The following EPHB3 variants were observed in gnomAD, a reference collection of about 807,000 sequenced individuals.
EPHB3 encodes EPH receptor B3.
Under a neutral mutation model 100.2 loss-of-function variants are expected in EPHB3, and 33 were observed. That is an observed-to-expected ratio of 0.33 (90% CI 0.25 to 0.44). The LOEUF is 0.44. Among genes scored for constraint, EPHB3 ranks in the 20% least tolerant of loss-of-function variants. The probability of loss-of-function intolerance (pLI) is 1.00; values close to 1 mark genes in which losing one functional copy is unlikely to be tolerated. For synonymous variants in EPHB3, 526 were observed against 554.7 expected, an observed-to-expected ratio of 0.95 and a Z score of 0.73; for missense variants, 1,045 against 1,378.3, an observed-to-expected ratio of 0.76 and a Z score of 3.83.
At chr3:184,567,245 G>A (rs1221348511) in intron 1 of EPHB3, among the ~76,000 whole-genome samples, 1 of 152,148 alleles carries the variant, frequency 6.6e-6, no homozygotes, top group African/African-American at 2.4e-5. Flanking sequence ...TGACCTGACT[G>A]ACAGCTCCTG....
rs1015341471 is a variant in EPHB3, at chr3:184,578,647, C to T, written c.1801+181C>T. Among the ~76,000 whole-genome samples the T allele has an allele frequency of 2.6e-5, 4 of 152,188 alleles. No homozygotes were observed. Among genetic ancestry groups the T allele is most frequent in the African/African-American group, 9.7e-5 (4 of 41,440 alleles). The stretch of plus-strand genomic sequence containing the variant: ...TCCGGGTACCCTGGGCCCCTACTCA[C>T]TCCTGCTAGCCCCAGAAATGACTGA... On this transcript the variant is annotated intron_variant, in intron 9 of 15. Transcript: ENST00000330394. The surrounding 1 kb of genome is among the most constrained non-coding windows in gnomAD (Gnocchi z 4.7).
Position 184,566,707 on chromosome 3 carries a change from G to A in EPHB3, c.118+4354G>A, listed in dbSNP as rs1174508124. On this transcript the variant is annotated intron_variant, in intron 1 of 15. Transcript: ENST00000330394. ...GCTGCTCCTCCTTGCGCAGACCCTG[G>A]CCCCCTGCCCTCCTGCCCCGCTGCA... Among the ~76,000 whole-genome samples the A allele has an allele frequency of 2.0e-5, 3 of 152,332 alleles. No homozygotes were observed. The East Asian group carries it at 5.8e-4, about 29-fold the overall frequency.
In EPHB3 at chr3:184,580,975, A is replaced by G. The variant is rs1714804928; in HGVS notation, c.2542A>G (p.Ile848Val). 6.2e-7 allele frequency: 1 copy of G among 1,610,932 alleles called. No individual in the cohort carries two copies. The highest frequency in any genetic ancestry group is 1.1e-5 in the South Asian group (1 of 90,998). ...PYWDMSNQDV[I>V]NAVEQDYRLP... ...GGTTTCCCTGCCTTCGGCCCAGGTC[A>G]TCAATGCCGTGGAGCAGGATTACCG... is the stretch of plus-strand genomic sequence containing the variant. The change falls in exon 14 of 16, where the codon ATC becomes GTC. Residue 848 changes from isoleucine to valine, a missense_variant. Around this residue, in one of 2 missense-constraint regions of EPHB3, gnomAD observed 985 missense variants for 1,331.1 expected, o/e 0.74. Transcript: ENST00000330394.
rs1285710303 is a variant in EPHB3 at position 184,578,780 on chromosome 3, G to T, written c.1801+314G>T. Among the ~76,000 whole-genome samples the T allele has an allele frequency of 6.6e-6, 1 of 152,210 alleles. No homozygotes were observed. The highest frequency in any genetic ancestry group is 1.5e-5 in the Non-Finnish European group (1 of 68,042). On this transcript the variant is annotated intron_variant, in intron 9 of 15. Transcript: ENST00000330394. The surrounding 1 kb of genome is among the most constrained non-coding windows in gnomAD (Gnocchi z 4.7). ...AAGGGTTGAGCTGGGTGCTCCTGTTGTAAAGGGCACTAAGAGTTTAGAGAA... is the reference window on the plus strand; with the variant it reads ...AAGGGTTGAGCTGGGTGCTCCTGTTTTAAAGGGCACTAAGAGTTTAGAGAA...
intron 4 of EPHB3, among the ~76,000 whole-genome samples, chr3:184,576,253 C>G (rs1314136190): frequency 6.7e-6 from 1 of 149,852 alleles, no homozygotes; most frequent in Non-Finnish European, 1.5e-5. Flanking sequence ...CCTAGCCATG[C>G]TCAGGAACTG....
At position 184,562,470 on chromosome 3, in the gene EPHB3, C is replaced by A. The variant is rs1714281585; in HGVS notation, c.118+117C>A. On this transcript the variant is annotated intron_variant, in intron 1 of 15. Coordinates refer to ENST00000330394, the MANE Select transcript of EPHB3 (RefSeq NM_004443.4). The surrounding 1 kb of genome is among the most constrained non-coding windows in gnomAD (Gnocchi z 4.8). ...ACGTCGGAGGAGGCCCCGCCACCGG[C>A]GCCCGCTCCGGGGCCCAGGGATGGG... 1 of 1,118,566 alleles carries A rather than the reference C, an allele frequency of 8.9e-7. No individual in the cohort carries two copies. Among genetic ancestry groups the A allele is most frequent in the Non-Finnish European group, 1.1e-6 (1 of 913,650 alleles). The allele number at this position is 1,118,566 out of a possible 1,614,324, so 69.3% of individuals were successfully genotyped here.
chr3:184,575,198 G>A, intron 3 of EPHB3: 2 of 985,410 alleles, frequency 2.0e-6, no homozygotes, highest in Non-Finnish European at 2.4e-6. Flanking sequence ...GCTTGCTCTG[G>A]GGTGAGTCCC....
In EPHB3 at chr3:184,573,320, G is replaced by C. The variant is rs1577526556; in HGVS notation, c.856+144G>C. ...GTGGAGGCAGGAGAGGGAAGAGTGG[G>C]GATCAGATGCAGAGAATGTTGTGTA... On this transcript the variant is annotated intron_variant, in intron 3 of 15. Coordinates refer to ENST00000330394, the MANE Select transcript of EPHB3 (RefSeq NM_004443.4). The surrounding 1 kb of genome is among the most constrained non-coding windows in gnomAD (Gnocchi z 4.5). 2 of 993,232 alleles carry C rather than the reference G, an allele frequency of 2.0e-6. No homozygotes were observed. The highest frequency in any genetic ancestry group is 2.9e-6 in the Non-Finnish European group (2 of 679,694). 61.5% of individuals were successfully genotyped at this position (993,232 alleles called of 1,614,324 possible).
At chr3:184,580,668 G>A (rs780081342) in intron 12 of EPHB3, 51 bp downstream of exon 12, 3 of 1,609,098 alleles carry the variant, frequency 1.9e-6, no homozygotes, top group Non-Finnish European at 2.5e-6. Context: ...ATCAGCCAGG[G>A]GCTCGGGCCT....
chr3:184,576,026 C>T (rs1198073399), intron 4 of EPHB3, 41 bp downstream of exon 4: 1 of 1,560,620 alleles, frequency 6.4e-7, no homozygotes, highest in Non-Finnish European at 8.7e-7. Flanking sequence ...TGCAGGCCTT[C>T]CCTCTGGGGG....
At position 184,581,604 on chromosome 3, in the gene EPHB3, G is replaced by A. The variant is rs761471186; in HGVS notation, c.2979G>A (p.Thr993=). Residue 993 remains threonine, a synonymous_variant, in exon 16 of 16, where the codon ACG becomes ACA. Transcript: ENST00000330394. ...ACATGCGGCTGCAGATGAACCAGAC[G>A]CTGCCTGTGCAGGTCTGACACCGGC... ...IQDMRLQMNQ[T]LPVQV 27 of 1,612,024 alleles carry A rather than the reference G, an allele frequency of 1.7e-5. No homozygotes were observed. Among genetic ancestry groups the A allele is most frequent in the East Asian group, 4.5e-5 (2 of 44,868 alleles).
chr3:184,567,450 G>A (rs376538389), intron 1 of EPHB3, among the ~76,000 whole-genome samples: 2 of 152,028 alleles, frequency 1.3e-5, no homozygotes, highest in East Asian at 3.9e-4. Flanking sequence ...CCCACTGGAA[G>A]ACATCCCATA....
At chr3:184,564,718 A>C (rs1019500774) in intron 1 of EPHB3, among the ~76,000 whole-genome samples, 6 of 152,024 alleles carry the variant, frequency 3.9e-5, no homozygotes, top group African/African-American at 1.4e-4. Context: ...AGCTCCAGAG[A>C]GGGAAGGAAT....
chr3:184,572,685 T>A lies in EPHB3; in HGVS notation c.365T>A (p.Ile122Asn). 2.5e-6 allele frequency: 4 copies of A among 1,606,442 alleles called. No individual in the cohort carries two copies. The highest frequency in any genetic ancestry group is 3.4e-6 in the Non-Finnish European group (4 of 1,176,586). ...TVRDCNSIPN[I>N]PGSCKETFNL... ...CGTGACTGCAACAGCATCCCCAACATCCCCGGCTCCTGCAAGGAGACCTTC... is the reference window on the plus strand; with the variant it reads ...CGTGACTGCAACAGCATCCCCAACAACCCCGGCTCCTGCAAGGAGACCTTC... Residue 122 changes from isoleucine (I) to asparagine (N), a missense_variant, in exon 3 of 16, where the codon ATC becomes AAC. By Grantham distance (149) the Ile-to-Asn change is moderately radical. Around this residue, in one of 2 missense-constraint regions of EPHB3, gnomAD observed 985 missense variants for 1,331.1 expected, o/e 0.74. Transcript: ENST00000330394. The surrounding 1 kb of genome is among the most constrained non-coding windows in gnomAD (Gnocchi z 6.6).
Position 184,581,814 on chromosome 3 carries a change from A to G in EPHB3, c.*192A>G. ...GGAAGTGCGCCCCAAACCTCTTCAT[A>G]TTGAAGATGGATTAGGAGAGGGGGT... On this transcript the variant is annotated 3_prime_UTR_variant, in exon 16 of 16. Transcript: ENST00000330394. The G allele has an allele frequency of 1.7e-6, 1 of 584,800 alleles. No homozygotes were observed. Among genetic ancestry groups the G allele is most frequent in the Non-Finnish European group, 2.9e-6 (1 of 339,492 alleles). 36.2% of individuals were successfully genotyped at this position (584,800 alleles called of 1,614,324 possible).
Position 184,578,246 on chromosome 3 carries a change from G to A in EPHB3, c.1749-168G>A, listed in dbSNP as rs771614747. The A allele has an allele frequency of 7.7e-6, 8 of 1,035,820 alleles. No homozygotes were observed. The East Asian group carries it at 2.0e-4, about 26-fold the overall frequency. The allele number at this position is 1,035,820 out of a possible 1,614,324, so 64.2% of individuals were successfully genotyped here. A position where few individuals can be genotyped will look rare whatever the true frequency, so the allele number is the denominator to read the frequency against. ...AGGTTCCCTAGGGACTGAGTCCACT[G>A]AACCCCTTGCTCAGACACCCAGAGA... On this transcript the variant is annotated intron_variant, in intron 8 of 15. Coordinates refer to ENST00000330394, the MANE Select transcript of EPHB3 (RefSeq NM_004443.4). This position sits in a 1 kb window ranked among gnomAD's most constrained non-coding sequence, Gnocchi z 4.7.
rs926843364 is a variant in EPHB3 at position 184,581,711 on chromosome 3, C to T, written c.*89C>T. 5 of 1,290,798 alleles carry T rather than the reference C, an allele frequency of 3.9e-6. No individual in the cohort carries two copies. The African/African-American group carries it at 7.5e-5, about 19-fold the overall frequency. 80.0% of individuals were successfully genotyped at this position (1,290,798 alleles called of 1,614,324 possible). A position where few individuals can be genotyped will look rare whatever the true frequency, so the allele number is the denominator to read the frequency against. On this transcript the variant is annotated 3_prime_UTR_variant, in exon 16 of 16. Transcript: ENST00000330394. Reference sequence around the variant, plus strand: ...GACTCTTGGACTTTTGGATGCCTGGCCTTAGGCTGTGGCCCAGAAGCTGGA... The same window carrying T: ...GACTCTTGGACTTTTGGATGCCTGGTCTTAGGCTGTGGCCCAGAAGCTGGA...
rs769002040 is a variant in EPHB3, at chr3:184,577,774, G to T, written c.1596G>T (p.Gly532=). Residue 532 remains glycine, a synonymous_variant, in exon 7 of 16, where the codon GGG becomes GGT. Coordinates refer to ENST00000330394, the MANE Select transcript of EPHB3 (RefSeq NM_004443.4). This position sits in a 1 kb window ranked among gnomAD's most constrained non-coding sequence, Gnocchi z 4.9. ...QVRARTVAGY[G]QYSRPAEFET... is the part of the protein sequence containing the mutation. The stretch of plus-strand genomic sequence containing the variant: ...GTGCCCGCACAGTAGCTGGCTATGG[G>T]CAGTACAGCCGCCCTGCCGAGTTTG... 16 of 1,610,120 alleles carry T rather than the reference G, an allele frequency of 9.9e-6. No individual in the cohort carries two copies. The highest frequency in any genetic ancestry group is 1.4e-5 in the Non-Finnish European group (16 of 1,177,220).
Position 184,576,921 on chromosome 3 carries a change from C to T in EPHB3, c.1092C>T (p.Asp364=). 3 of 1,599,152 alleles carry T rather than the reference C, an allele frequency of 1.9e-6. No individual in the cohort carries two copies. The highest frequency in any genetic ancestry group is 2.6e-6 in the Non-Finnish European group (3 of 1,169,780). Residue 364 remains aspartate, a synonymous_variant, in exon 5 of 16, where the codon GAC becomes GAT. Transcript: ENST00000330394. ...TCCTCGAGTGGAGTGAGCCCCGGGA[C>T]CTGGGTGGCCGGGATGACCTCCTGT... ...SLILEWSEPR[D]LGGRDDLLYN...
Sources: gnomAD v4.1 joint callset for allele counts (sites outside exome capture counted in the v4.1 genomes callset) on GRCh38, gnomAD v4.1.1 for gene constraint, gnomAD v4.1.1 regional missense constraint, Gnocchi (gnomAD v3.1) non-coding constraint, MANE v1.5 for transcripts, NCBI Gene and HGNC (gene_info 2026-07-23, HGNC 2026-07-21) for gene names.